The following TMEM214 variants were observed in gnomAD, a reference collection of about 807,000 sequenced individuals.
TMEM214 encodes transmembrane protein 214.
TMEM214 carries 71 observed loss-of-function variants against 89.8 expected under a neutral mutation model. The observed-to-expected ratio is 0.79, with a 90% CI of 0.65 to 0.96. The LOEUF (loss-of-function observed/expected upper bound fraction) is 0.96, where lower values mean the gene tolerates loss of function less well. TMEM214 is among the 40% of genes least tolerant of loss of function. The pLI is 0.00. For synonymous variants in TMEM214, 332 were observed against 349.5 expected, an observed-to-expected ratio of 0.95 and a Z score of 0.56; for missense variants, 754 against 843.4, an observed-to-expected ratio of 0.89 and a Z score of 1.31.
chr2:27,038,006 C>T lies in TMEM214; in HGVS notation c.1153-140C>T. On this transcript the variant is annotated intron_variant, in intron 9 of 16. Transcript: ENST00000238788. The surrounding 1 kb of genome is among the most constrained non-coding windows in gnomAD (Gnocchi z 4.4). ...AGCCTCTCAGAGAGCTTTCTGGAGTCTTGACACTGTTTCTCCACCCCTTAG... is the reference window on the plus strand; with the variant it reads ...AGCCTCTCAGAGAGCTTTCTGGAGTTTTGACACTGTTTCTCCACCCCTTAG... The T allele has an allele frequency of 6.3e-7, 1 of 1,587,796 alleles. No homozygotes were observed. Among genetic ancestry groups the T allele is most frequent in the East Asian group, 2.3e-5 (1 of 43,214 alleles).
At chr2:27,036,949 C>A in intron 7 of TMEM214, 128 bp from the exon 8 acceptor site, 2 of 1,081,628 alleles carry the variant, frequency 1.8e-6, no homozygotes, top group Non-Finnish European at 2.9e-6. Flanking sequence ...GAAGAGGGAG[C>A]TATTAAGGGC....
Position 27,040,420 on chromosome 2 carries a change from A to C in TMEM214, c.1867A>C (p.Asn623His). The change falls in exon 16 of 17, where the codon AAT (asparagine) becomes CAT (histidine). Residue 623 changes from asparagine (N) to histidine (H), a missense_variant. Asn to His is a moderately conservative substitution (Grantham distance 68). Coordinates refer to ENST00000238788, the MANE Select transcript of TMEM214 (RefSeq NM_017727.5). ...AGAGCTGCCCCTGCTTTTCCACCAG[A>C]ATGTGCTGCTGCCACTGTGGCACCT... ...LRELPLLFHQNVLLPLWHLLL... is the reference protein window; with the variant it reads ...LRELPLLFHQHVLLPLWHLLL... The C allele has an allele frequency of 1.9e-6, 3 of 1,614,130 alleles. No homozygotes were observed. The highest frequency in any genetic ancestry group is 2.5e-6 in the Non-Finnish European group (3 of 1,180,016).
chr2:27,039,115 C>G lies in TMEM214; in HGVS notation c.1476C>G (p.Phe492Leu), dbSNP rs371237480. Reference protein sequence around the residue: ...WTRLLLLLLVFAVGFLCHDLR... With the variant: ...WTRLLLLLLVLAVGFLCHDLR... ...GGCTCCTCCTGTTGCTGCTGGTCTTCGCTGTAGGCTTCCTGTGCCATGACC... is the reference window on the plus strand; with the variant it reads ...GGCTCCTCCTGTTGCTGCTGGTCTTGGCTGTAGGCTTCCTGTGCCATGACC... Residue 492 changes from phenylalanine (F) to leucine (L), a missense_variant, in exon 13 of 17, where the codon TTC (phenylalanine) becomes TTG (leucine). Phe to Leu is a conservative substitution (Grantham distance 22). Coordinates refer to ENST00000238788, the MANE Select transcript of TMEM214 (RefSeq NM_017727.5). The G allele has an allele frequency of 1.2e-6, 2 of 1,613,966 alleles. 1 individual carries two copies. Among genetic ancestry groups the G allele is most frequent in the South Asian group, 2.2e-5 (2 of 91,086 alleles).
intron 3 of TMEM214, 36 bp downstream of exon 3, chr2:27,035,321 T>C: frequency 6.2e-7 from 1 of 1,613,108 alleles, no homozygotes; most frequent in Non-Finnish European, 8.5e-7. Flanking sequence ...TCAGACAAGT[T>C]CAAATAAATT....
chr2:27,038,681 C>G lies in TMEM214; in HGVS notation c.1294-21C>G. The G allele has an allele frequency of 6.2e-7, 1 of 1,611,516 alleles. No homozygotes were observed. Among genetic ancestry groups the G allele is most frequent in the Non-Finnish European group, 8.5e-7 (1 of 1,178,030 alleles). On this transcript the variant is annotated intron_variant, in intron 11 of 16. Coordinates refer to ENST00000238788, the MANE Select transcript of TMEM214 (RefSeq NM_017727.5). The surrounding 1 kb of genome is among the most constrained non-coding windows in gnomAD (Gnocchi z 4.4). ...TGGAAGCTCTGGATTCCCTCACAGG[C>G]CAGACCTTTCTTGTCCATAGGTACA...
At chr2:27,034,042 C>T (rs1379070501) in intron 1 of TMEM214, 25 bp from the exon 2 acceptor site, 1 of 1,613,240 alleles carries the variant, frequency 6.2e-7, no homozygotes, top group Non-Finnish European at 8.5e-7. Context: ...GGTGGCCTGC[C>T]TTTCTCTACC....
chr2:27,040,972 TCCACCTC>T lies in TMEM214; in HGVS notation c.*136_*142del. On this transcript the variant is annotated 3_prime_UTR_variant, in exon 17 of 17. Transcript: ENST00000238788. ...TCTCCTAGGCAAGTGGCCAGTTGCCTCCACCTCAGTTCTTCCATCTTTGGTGGGGACA... is the reference window on the plus strand; with the variant it reads ...TCTCCTAGGCAAGTGGCCAGTTGCCTAGTTCTTCCATCTTTGGTGGGGACA... The T allele has an allele frequency of 4.6e-6, 5 of 1,081,104 alleles. No individual in the cohort carries two copies. Among genetic ancestry groups the T allele is most frequent in the Non-Finnish European group, 6.6e-6 (5 of 755,794 alleles). 67.0% of individuals were successfully genotyped at this position (1,081,104 alleles called of 1,614,324 possible). A position where few individuals can be genotyped will look rare whatever the true frequency, so the allele number is the denominator to read the frequency against.
In TMEM214 at chr2:27,034,109, A is replaced by G; in HGVS notation, c.194A>G (p.Glu65Gly). 1 of 1,614,158 alleles carries G rather than the reference A, an allele frequency of 6.2e-7. No homozygotes were observed. The highest frequency in any genetic ancestry group is 8.5e-7 in the Non-Finnish European group (1 of 1,180,036). Residue 65 changes from glutamate to glycine, a missense_variant, in exon 2 of 17, where the codon GAG becomes GGG. Glu to Gly is a moderately conservative substitution (Grantham distance 98). Coordinates refer to ENST00000238788, the MANE Select transcript of TMEM214 (RefSeq NM_017727.5). ...AGCACCCTTTATGAGCGGGGCTTTG[A>G]GAATATCATGAAGCGGCAGAATAAG... is the stretch of plus-strand genomic sequence containing the variant. ...TTSTLYERGF[E>G]NIMKRQNKEQ...
rs77468296 is a variant in TMEM214 at position 27,037,672 on chromosome 2, C to A, written c.1122C>A (p.Thr374=). The A allele has an allele frequency of 5.4e-3, 8,696 of 1,614,092 alleles. 397 individuals carry two copies. In the African/African-American group the frequency reaches 0.1, roughly 19 times the overall value. Residue 374 remains threonine, a synonymous_variant, in exon 9 of 17, where the codon ACC becomes ACA. Coordinates refer to ENST00000238788, the MANE Select transcript of TMEM214 (RefSeq NM_017727.5). ...TCCCTTCTTTCCTGTCCAGAGCCAC[C>A]CCTAGCTGTCCCCCTGAGATGAAGA... ...TYFPSFLSRA[T]PSCPPEMKKE... is the part of the protein sequence containing the mutation.
Position 27,040,197 on chromosome 2 carries a change from G to A in TMEM214, c.1790G>A (p.Arg597Lys). Residue 597 changes from arginine (R) to lysine (K), a missense_variant and splice_region_variant, in exon 15 of 17, where the codon AGG becomes AAG. Coordinates refer to ENST00000238788, the MANE Select transcript of TMEM214 (RefSeq NM_017727.5). Reference sequence around the variant, plus strand: ...GACAGTCTCACCAGTCTCTCTCAGAGGGTAAGTCAGAGACAGGGAGTCAAA... The same window carrying A: ...GACAGTCTCACCAGTCTCTCTCAGAAGGTAAGTCAGAGACAGGGAGTCAAA... The part of the protein sequence containing the change: ...FGDSLTSLSQ[R>K]LQIQLPDSVN... The A allele has an allele frequency of 6.2e-7, 1 of 1,605,698 alleles. No homozygotes were observed. The highest frequency in any genetic ancestry group is 8.5e-7 in the Non-Finnish European group (1 of 1,179,948).
In TMEM214 at chr2:27,036,563, G is replaced by C. The variant is rs774633219; in HGVS notation, c.797G>C (p.Gly266Ala). ...ATCATGTGGGCCCTGGGTCAAGCAGGTTTTGCCAACCTCACCGAGGGACTG... is the reference window on the plus strand; with the variant it reads ...ATCATGTGGGCCCTGGGTCAAGCAGCTTTTGCCAACCTCACCGAGGGACTG... Reference protein sequence around the residue: ...LTIMWALGQAGFANLTEGLKV... With the variant: ...LTIMWALGQAAFANLTEGLKV... Residue 266 changes from glycine (G) to alanine (A), a missense_variant, in exon 6 of 17, where the codon GGT becomes GCT. Coordinates refer to ENST00000238788, the MANE Select transcript of TMEM214 (RefSeq NM_017727.5). 2 of 1,614,214 alleles carry C rather than the reference G, an allele frequency of 1.2e-6. No individual in the cohort carries two copies. The highest frequency in any genetic ancestry group is 4.5e-5 in the East Asian group (2 of 44,888).
chr2:27,040,545 C>T (rs1667793664), intron 16 of TMEM214, 49 bp downstream of exon 16: 7 of 1,601,910 alleles, frequency 4.4e-6, no homozygotes, highest in Non-Finnish European at 6.0e-6. Flanking sequence ...AGCCCCATTC[C>T]CGGGCCCCAG....
Position 27,036,534 on chromosome 2 carries a change from C to T in TMEM214, c.768C>T (p.Leu256=), listed in dbSNP as rs778520271. 4 of 1,614,144 alleles carry T rather than the reference C, an allele frequency of 2.5e-6. No homozygotes were observed. Among genetic ancestry groups the T allele is most frequent in the Non-Finnish European group, 2.5e-6 (3 of 1,180,032 alleles). Residue 256 remains leucine (L), a synonymous_variant, in exon 6 of 17, where the codon CTC becomes CTT. Coordinates refer to ENST00000238788, the MANE Select transcript of TMEM214 (RefSeq NM_017727.5). ...RSHQSRPAKC[L]TIMWALGQAG... ...ACCAGAGCCGACCAGCAAAGTGTCT[C>T]ACCATCATGTGGGCCCTGGGTCAAG...
In TMEM214 at chr2:27,035,818, G is replaced by C. The variant is rs558547925; in HGVS notation, c.637+90G>C. 8 of 1,599,090 alleles carry C rather than the reference G, an allele frequency of 5.0e-6. No homozygotes were observed. The East Asian group carries it at 1.8e-4, about 36-fold the overall frequency. Reference sequence around the variant, plus strand: ...CCACTCAGTGGTTCTGTTTCCAGCAGAGAAATGTGCTAACCTTAACACTTT... The same window carrying C: ...CCACTCAGTGGTTCTGTTTCCAGCACAGAAATGTGCTAACCTTAACACTTT... On this transcript the variant is annotated intron_variant, in intron 4 of 16. Coordinates refer to ENST00000238788, the MANE Select transcript of TMEM214 (RefSeq NM_017727.5).
At chr2:27,039,557 C>G (rs1395118591) in intron 13 of TMEM214, 184 bp from the exon 14 acceptor site, 2 of 630,696 alleles carry the variant, frequency 3.2e-6, no homozygotes, top group Non-Finnish European at 5.7e-6. Flanking sequence ...CACACCTGGC[C>G]CAGCAGGAGA....
Position 27,037,091 on chromosome 2 carries a change from T to A in TMEM214, c.923T>A (p.Leu308His), listed in dbSNP as rs1259465076. Residue 308 changes from leucine to histidine, a missense_variant, in exon 8 of 17, where the codon CTT (leucine) becomes CAT (histidine). Leu to His is a moderately conservative substitution (Grantham distance 99, BLOSUM62 -3). Transcript: ENST00000238788. ...LDRLLLMHPN[L>H]TKGFGMIGPK... The stretch of plus-strand genomic sequence containing the variant: ...CATCCCCACAGGATGCATCCCAACC[T>A]TACCAAGGGCTTCGGCATGATTGGC... 6.2e-7 allele frequency: 1 copy of A among 1,614,010 alleles called. No individual in the cohort carries two copies. Among genetic ancestry groups the A allele is most frequent in the Non-Finnish European group, 8.5e-7 (1 of 1,179,966 alleles).
Position 27,038,251 on chromosome 2 carries a change from G to A in TMEM214, c.1244+14G>A. 6.2e-7 allele frequency: 1 copy of A among 1,611,666 alleles called. No homozygotes were observed. Among genetic ancestry groups the A allele is most frequent in the Non-Finnish European group, 8.5e-7 (1 of 1,177,996 alleles). On this transcript the variant is annotated intron_variant, in intron 10 of 16. Transcript: ENST00000238788. The surrounding 1 kb of genome is among the most constrained non-coding windows in gnomAD (Gnocchi z 4.4). ...GTCACAGTCCAGGCAGGTGGGGTGG[G>A]AGGCCAGCCTGTCCCTGTGCTAGAA... is the stretch of plus-strand genomic sequence containing the variant.
chr2:27,039,764 C>T lies in TMEM214; in HGVS notation c.1549C>T (p.Arg517Ter), dbSNP rs755903335. Residue 517 changes from arginine (R) to a stop codon, truncating the protein, a stop_gained, in exon 14 of 17, where the codon CGA (arginine) becomes TGA (stop). Coordinates refer to ENST00000238788, the MANE Select transcript of TMEM214 (RefSeq NM_017727.5). LOFTEE classifies it high-confidence loss of function. ...AGCCTCCCTTACTGGCCGGTTGCTT[C>T]GATCATCTGGCTTCTTACCTGCTAG... ...FQASLTGRLL[R>*]SSGFLPASQQ... The T allele has an allele frequency of 2.5e-6, 4 of 1,614,076 alleles. No individual in the cohort carries two copies. In the African/African-American group the frequency reaches 4.0e-5, roughly 16 times the overall value.
At chr2:27,035,440 C>T (rs1230106436) in intron 3 of TMEM214, 154 bp from the exon 4 acceptor site, 2 of 1,410,672 alleles carry the variant, frequency 1.4e-6, no homozygotes, top group East Asian at 4.7e-5. Flanking sequence ...GGGCCTCATT[C>T]TGTGATCCTC....
Sources: gnomAD v4.1 joint callset for allele counts on GRCh38, gnomAD v4.1.1 for gene constraint, Gnocchi (gnomAD v3.1) non-coding constraint, MANE v1.5 for transcripts, NCBI Gene and HGNC (gene_info 2026-07-23, HGNC 2026-07-21) for gene names.